The following ARVCF variants were observed in gnomAD, a reference collection of about 807,000 sequenced individuals.
The protein encoded by ARVCF is splicing regulator ARVCF.
Under a neutral mutation model 90.9 loss-of-function variants are expected in ARVCF, and 66 were observed. That is an observed-to-expected ratio of 0.73 (90% CI 0.60 to 0.89). The LOEUF (loss-of-function observed/expected upper bound fraction) is 0.89. Among genes scored for constraint, ARVCF ranks in the 40% least tolerant of loss-of-function variants. The pLI is 0.00. For synonymous variants in ARVCF, 653 were observed against 603.4 expected, an observed-to-expected ratio of 1.08 and a Z score of -1.21; for missense variants, 1,469 against 1,382.3, an observed-to-expected ratio of 1.06 and a Z score of -1.00.
At chr22:19,970,812 G>A (rs1942718985) in intron 19 of ARVCF, 69 bp from the exon 20 acceptor site, 1 of 1,293,982 alleles carries the variant, frequency 7.7e-7, no homozygotes, top group Non-Finnish European at 1.0e-6. Context: ...TAACCTCAGG[G>A]CAGGGCAGCC....
At chr22:19,999,899 A>C (rs1424216128) in intron 2 of ARVCF, among the ~76,000 whole-genome samples, 1 of 151,770 alleles carries the variant, frequency 6.6e-6, no homozygotes, top group Non-Finnish European at 1.5e-5. Context: ...CCTCCAAAGG[A>C]CCCTCCCCTG....
rs575921465 is a variant in ARVCF at position 19,974,232 on chromosome 22, C to T, written c.1968G>A (p.Glu656=). The part of the protein sequence containing the change: ...PKRTEAAKGF[E]LLYQPEVVRL... ...GTACCACCTCGGGCTGGTACAGCAG[C>T]TCAAAGCCTAGGTGCAGGGCAACCG... Residue 656 remains glutamate (E), a synonymous_variant, in exon 12 of 20, where the codon GAG becomes GAA. Coordinates refer to ENST00000263207, the MANE Select transcript of ARVCF (RefSeq NM_001670.3). The T allele has an allele frequency of 5.4e-5, 87 of 1,608,548 alleles. No homozygotes were observed. Among genetic ancestry groups the T allele is most frequent in the Non-Finnish European group, 7.1e-5 (84 of 1,177,064 alleles).
At chr22:19,984,030 G>A (rs1159987490) in intron 3 of ARVCF, among the ~76,000 whole-genome samples, 2 of 152,200 alleles carry the variant, frequency 1.3e-5, no homozygotes, top group African/African-American at 2.4e-5. Context: ...GCTGGGCCCT[G>A]GGCGGGGCTC....
At chr22:19,999,581 G>A (rs910474971) in intron 2 of ARVCF, among the ~76,000 whole-genome samples, 6 of 152,236 alleles carry the variant, frequency 3.9e-5, no homozygotes, top group South Asian at 4.1e-4. Context: ...TCCAGCTGCC[G>A]TGGCAGGGAG....
intron 17 of ARVCF, 32 bp downstream of exon 17, chr22:19,972,326 C>T (rs1157526017): frequency 1.2e-6 from 2 of 1,613,708 alleles, no homozygotes; most frequent in South Asian, 1.1e-5. Flanking sequence ...CCTCCCGGCA[C>T]AGAAAACCAA....
intron 2 of ARVCF, among the ~76,000 whole-genome samples, chr22:20,003,621 A>T (rs1256464959): frequency 2.0e-5 from 3 of 152,266 alleles, no homozygotes; most frequent in Non-Finnish European, 4.4e-5. Flanking sequence ...ATAAAGGACA[A>T]AAATCACAAT....
chr22:19,980,347 C>A, intron 5 of ARVCF, 105 bp from the exon 6 acceptor site: 2 of 1,407,636 alleles, frequency 1.4e-6, no homozygotes, highest in Non-Finnish European at 9.3e-7. Context: ...CACCCAGCAG[C>A]GCTGGGCTGA....
downstream of ARVCF, chr22:19,967,466 GCTGTCCC>G (rs768034116): frequency 6.6e-6 from 3 of 457,034 alleles, no homozygotes; most frequent in South Asian, 4.8e-5. Flanking sequence ...GGACCTTGGG[GCTGTCCC>G]CTGACCTCAC....
In ARVCF at chr22:19,970,402, G is replaced by A. The variant is rs1942685969; in HGVS notation, c.*354C>T. On this transcript the variant is annotated 3_prime_UTR_variant, in exon 20 of 20. Coordinates refer to ENST00000263207, the MANE Select transcript of ARVCF (RefSeq NM_001670.3). Reference sequence around the variant, plus strand: ...GCACCACTGGGGCACTGTGTTCCCAGGGGCACCCTCCTATCCCACCAGCCC... The same window carrying A: ...GCACCACTGGGGCACTGTGTTCCCAAGGGCACCCTCCTATCCCACCAGCCC... 9.5e-7 allele frequency: 1 copy of A among 1,054,800 alleles called. No homozygotes were observed. Among genetic ancestry groups the A allele is most frequent in the African/African-American group, 1.7e-5 (1 of 58,816 alleles). The allele number at this position is 1,054,800 out of a possible 1,614,324, so 65.3% of individuals were successfully genotyped here. A position where few individuals can be genotyped will look rare whatever the true frequency, so the allele number is the denominator to read the frequency against.
chr22:20,002,306 T>A (rs1190472520), intron 2 of ARVCF, among the ~76,000 whole-genome samples: 2 of 152,186 alleles, frequency 1.3e-5, no homozygotes, highest in African/African-American at 4.8e-5. Context: ...CGGGCTGTGC[T>A]GAAGCCTGGG....
chr22:19,966,117 T>C (rs1021154955), downstream of ARVCF, among the ~76,000 whole-genome samples: 3 of 152,162 alleles, frequency 2.0e-5, no homozygotes, highest in Non-Finnish European at 2.9e-5. Context: ...TGCGCAAAGC[T>C]GGTAATTATC....
downstream of ARVCF, chr22:19,967,277 A>G (rs1601541095): frequency 8.4e-7 from 1 of 1,187,416 alleles, no homozygotes; most frequent in East Asian, 5.7e-5. Context: ...CAGGCCCCTC[A>G]CTCATGCATT....
intron 2 of ARVCF, among the ~76,000 whole-genome samples, chr22:20,008,018 GA>G (rs1236393215): frequency 6.6e-6 from 1 of 152,102 alleles, no homozygotes; most frequent in Non-Finnish European, 1.5e-5. Flanking sequence ...TAAAAATGGG[GA>G]AAAATCCAAC....
intron 2 of ARVCF, among the ~76,000 whole-genome samples, chr22:19,992,108 G>T (rs931959148): frequency 6.6e-6 from 1 of 152,248 alleles, no homozygotes; most frequent in African/African-American, 2.4e-5. Flanking sequence ...CACGGTGCGG[G>T]GACATGGGTG....
chr22:20,010,600 C>A (rs544862386), intron 1 of ARVCF, 92 bp from the exon 2 acceptor site: 1 of 152,234 alleles, frequency 6.6e-6, no homozygotes, highest in Non-Finnish European at 1.5e-5. Context: ...GTCCTCTAAG[C>A]AGGACCTTGT....
At position 19,973,797 on chromosome 22, in the gene ARVCF, C is replaced by G. The variant is rs1209687367; in HGVS notation, c.2089-4G>C. The G allele has an allele frequency of 6.2e-7, 1 of 1,602,098 alleles. No homozygotes were observed. The highest frequency in any genetic ancestry group is 8.5e-7 in the Non-Finnish European group (1 of 1,177,564). The stretch of plus-strand genomic sequence containing the variant: ...TGGCGCGGATGTACGTGGCCCACTG[C>G]GGAGGCGGGGAGAGGGTTGCTCAGA... On this transcript the variant is annotated splice_region_variant and splice_polypyrimidine_tract_variant and intron_variant, in intron 12 of 19. Coordinates refer to ENST00000263207, the MANE Select transcript of ARVCF (RefSeq NM_001670.3).
At chr22:19,984,167 A>G (rs1399934576) in intron 3 of ARVCF, among the ~76,000 whole-genome samples, 2 of 152,160 alleles carry the variant, frequency 1.3e-5, no homozygotes, top group Non-Finnish European at 2.9e-5. Context: ...CCCCTCATAT[A>G]TGTATATATT....
intron 18 of ARVCF, 69 bp downstream of exon 18, chr22:19,971,817 G>T (rs1942813228): frequency 5.2e-6 from 8 of 1,544,954 alleles, no homozygotes. Flanking sequence ...CATGGCCTAG[G>T]CTGCTCTCCA....
rs1569160040 is a variant in ARVCF, at chr22:19,979,736, C to T, written c.1396+7G>A. On this transcript the variant is annotated splice_region_variant and intron_variant, in intron 6 of 19. Coordinates refer to ENST00000263207, the MANE Select transcript of ARVCF (RefSeq NM_001670.3). ...AGGGGATGTGAGCATGGCCAGGTCC[C>T]ACTCACCAGTGACAAGCTCACGGAC... 1.1e-5 allele frequency: 18 copies of T among 1,589,538 alleles called. No homozygotes were observed. The highest frequency in any genetic ancestry group is 1.5e-5 in the Non-Finnish European group (17 of 1,164,368).
Sources: allele counts gnomAD v4.1 joint callset (sites outside exome capture counted in the v4.1 genomes callset), GRCh38; gene constraint gnomAD v4.1.1; transcripts MANE v1.5; gene names NCBI Gene and HGNC (gene_info 2026-07-23, HGNC 2026-07-21).